LCMT1: variants seen among roughly 807,000 people sequenced by gnomAD.
LCMT1 encodes the protein [Phosphatase 2A protein]-leucine-carboxy methyltransferase 1.
In LCMT1, 32 loss-of-function variants were observed where a neutral mutation model predicts 47.7. The observed-to-expected ratio is 0.67, with a 90% confidence interval of 0.51 to 0.90. The LOEUF is 0.90. LCMT1 is among the 40% of genes least tolerant of loss of function. The probability of loss-of-function intolerance (pLI) is 0.00; values close to 1 mark genes in which losing one functional copy is unlikely to be tolerated. For missense variants in LCMT1, 375 were observed against 415.2 expected (o/e 0.90, Z 0.84); for synonymous variants, 152 against 149.7 (o/e 1.02, Z -0.11).
intron 1 of LCMT1, among the ~76,000 whole-genome samples, chr16:25,113,112 A>G (rs986896455): frequency 7.3e-6 from 1 of 137,916 alleles, no homozygotes; most frequent in South Asian, 2.3e-4. Flanking sequence ...TTGCACTCCA[A>G]CCTGGATGAG....
In LCMT1 at chr16:25,175,031, C is replaced by T. The variant is rs772953455; in HGVS notation, c.979C>T (p.Leu327Phe). 2 of 1,586,500 alleles carry T rather than the reference C, an allele frequency of 1.3e-6. No individual in the cohort carries two copies. Among genetic ancestry groups the T allele is most frequent in the South Asian group, 2.2e-5 (2 of 89,650 alleles). Residue 327 changes from leucine (L) to phenylalanine (F), a missense_variant, in exon 10 of 11, where the codon CTT becomes TTT. Transcript: ENST00000399069. ...LCWATKGGNE[L>F]GLKEITY ...CTGGGCAACCAAAGGAGGAAATGAG[C>T]TTGGTGCGTGATTGTACTTTTCTTG...
chr16:25,140,235 T>C lies in LCMT1; in HGVS notation c.392T>C (p.Leu131Pro). 1 of 1,600,002 alleles carries C rather than the reference T, an allele frequency of 6.2e-7. No individual in the cohort carries two copies. The highest frequency in any genetic ancestry group is 8.5e-7 in the Non-Finnish European group (1 of 1,172,530). ...TTTCCAATGATTGTCACGAGAAAGC[T>C]GCACAGTATCAAGTAAGTGTGGCAT... The part of the protein sequence containing the change: ...VDFPMIVTRK[L>P]HSIKCKPPLS... The change falls in exon 4 of 11, where the codon CTG (leucine) becomes CCG (proline). Residue 131 changes from leucine (L) to proline (P), a missense_variant. Coordinates refer to ENST00000399069, the MANE Select transcript of LCMT1 (RefSeq NM_016309.3).
chr16:25,176,127 G>A (rs1296821345), intron 10 of LCMT1, among the ~76,000 whole-genome samples: 4 of 152,108 alleles, frequency 2.6e-5, no homozygotes, highest in South Asian at 2.1e-4. Flanking sequence ...GTCTGTGGCC[G>A]AGTAGGGCCA....
intron 3 of LCMT1, among the ~76,000 whole-genome samples, chr16:25,134,327 A>T (rs1305488407): frequency 6.6e-6 from 1 of 152,224 alleles, no homozygotes; most frequent in Non-Finnish European, 1.5e-5. Context: ...TCTTCTCAAG[A>T]TATAATCACT....
intron 9 of LCMT1, among the ~76,000 whole-genome samples, chr16:25,174,197 G>A (rs941340389): frequency 5.3e-5 from 8 of 152,282 alleles, no homozygotes; most frequent in Admixed American, 5.2e-4. Context: ...CAGGCGTGAG[G>A]CACTTCACCC....
At chr16:25,156,940 CTTT>C (rs5816285) in intron 5 of LCMT1, among the ~76,000 whole-genome samples, 10 of 129,994 alleles carry the variant, frequency 7.7e-5, no homozygotes, top group African/African-American at 1.1e-4. Context: ...TCCATTTTAC[CTTT>C]TTTTTTTTTT....
intron 3 of LCMT1, among the ~76,000 whole-genome samples, chr16:25,135,489 A>G (rs1960478509): frequency 6.6e-6 from 1 of 152,140 alleles, no homozygotes; most frequent in Non-Finnish European, 1.5e-5. Context: ...TACAACAGAG[A>G]CCATCTGGCC....
chr16:25,140,952 A>G (rs1325821839), intron 4 of LCMT1: 2 of 126,666 alleles, frequency 1.6e-5, no homozygotes, highest in East Asian at 2.1e-4. Flanking sequence ...TTCACCCTCT[A>G]TTCTTAAGGA....
rs574088609 is a variant in LCMT1 at position 25,168,293 on chromosome 16, C to A, written c.691-819C>A. ...TGAATTCCTGGCCTCAAGTGATCCA[C>A]CTGCCTCAGCCTCCCAAAGTGCTGA... On this transcript the variant is annotated intron_variant, in intron 7 of 10. Coordinates refer to ENST00000399069, the MANE Select transcript of LCMT1 (RefSeq NM_016309.3). Among the ~76,000 whole-genome samples the A allele has an allele frequency of 3.9e-5, 6 of 152,322 alleles. No individual in the cohort carries two copies. In the East Asian group the frequency reaches 1.2e-3, roughly 29 times the overall value.
intron 5 of LCMT1, among the ~76,000 whole-genome samples, chr16:25,159,966 C>CTTT: frequency 6.9e-6 from 1 of 145,914 alleles, no homozygotes; most frequent in East Asian, 2.0e-4. Context: ...AATTTGTTAA[C>CTTT]TTTTTTTTTT....
At chr16:25,177,944 G>A in intron 10 of LCMT1, 57 bp from the exon 11 acceptor site, 1 of 1,546,894 alleles carries the variant, frequency 6.5e-7, no homozygotes, top group Non-Finnish European at 8.9e-7. Flanking sequence ...TCCTCTAGGG[G>A]CCTCTGCTCC....
chr16:25,135,281 T>TAAAAAAAAAAAAAAAA (rs1316661688), intron 3 of LCMT1, among the ~76,000 whole-genome samples: 5 of 131,450 alleles, frequency 3.8e-5, no homozygotes, highest in African/African-American at 1.4e-4. Flanking sequence ...AAGTTTCTTT[T>TAAAAAAAAAAAAAAAA]AAAATATATA....
chr16:25,158,181 C>G (rs940968826), intron 5 of LCMT1, among the ~76,000 whole-genome samples: 1 of 152,300 alleles, frequency 6.6e-6, no homozygotes, highest in South Asian at 2.1e-4. Flanking sequence ...GAGTCTTGCT[C>G]TGATTTGTCA....
intron 1 of LCMT1, among the ~76,000 whole-genome samples, chr16:25,119,935 C>T (rs1055954766): frequency 1.3e-5 from 2 of 151,992 alleles, no homozygotes; most frequent in South Asian, 2.1e-4. Flanking sequence ...CTGAGGCAAG[C>T]AGATCATGAA....
intron 5 of LCMT1, among the ~76,000 whole-genome samples, chr16:25,159,285 T>C (rs1327992452): frequency 6.6e-6 from 1 of 152,262 alleles, no homozygotes; most frequent in Non-Finnish European, 1.5e-5. Context: ...TTTTATTTTG[T>C]AGAGACAAGG....
intron 3 of LCMT1, among the ~76,000 whole-genome samples, chr16:25,138,991 G>GT (rs1250507029): frequency 6.6e-6 from 1 of 151,888 alleles, no homozygotes; most frequent in Non-Finnish European, 1.5e-5. Flanking sequence ...CCAGGCTGGA[G>GT]TGCAGCAGCG....
chr16:25,158,395 A>G (rs569636712), intron 5 of LCMT1, among the ~76,000 whole-genome samples: 58 of 152,352 alleles, frequency 3.8e-4, no homozygotes, highest in African/African-American at 1.2e-3. Flanking sequence ...TTGGCCTCCC[A>G]AAGTGCTGGG....
At position 25,149,389 on chromosome 16, in the gene LCMT1, C is replaced by A. The variant is rs879351501; in HGVS notation, c.405-2165C>A. On this transcript the variant is annotated intron_variant, in intron 4 of 10. Transcript: ENST00000399069. ...TGTTCCTTCCTGGGATGAGACACTCCACCACCTTGGTTTGATATTTAGATT... is the reference window on the plus strand; with the variant it reads ...TGTTCCTTCCTGGGATGAGACACTCAACCACCTTGGTTTGATATTTAGATT... 2.0e-5 allele frequency among the ~76,000 whole-genome samples: 3 copies of A among 152,218 alleles called. No homozygotes were observed. In the South Asian group the frequency reaches 6.2e-4, roughly 32 times the overall value.
chr16:25,122,994 C>T (rs35518197), intron 1 of LCMT1, among the ~76,000 whole-genome samples: 38,400 of 151,284 alleles, frequency 0.25, 4,904 homozygotes, highest in East Asian at 0.35. Flanking sequence ...ACAATCTTTA[C>T]CTTTATAGGT....
Sources: allele counts gnomAD v4.1 joint callset (sites outside exome capture counted in the v4.1 genomes callset), GRCh38; gene constraint gnomAD v4.1.1; transcripts MANE v1.5; gene names NCBI Gene and HGNC (gene_info 2026-07-23, HGNC 2026-07-21).